RERE: variants seen among roughly 807,000 people sequenced by gnomAD.
RERE encodes arginine-glutamic acid dipeptide repeats protein.
Under a neutral mutation model 146.1 loss-of-function variants are expected in RERE, and 40 were observed. That is an observed-to-expected ratio of 0.27 (90% confidence interval 0.21 to 0.36). The LOEUF (loss-of-function observed/expected upper bound fraction) is 0.36. RERE is among the 10% of genes least tolerant of loss of function. RERE has a pLI of 1.00. For synonymous variants in RERE, 1,003 were observed against 866.0 expected (o/e 1.16, Z -2.78); for missense variants, 1,933 against 2,138.7 (o/e 0.90, Z 1.90).
chr1:8,488,953 A>C (rs1216390947), intron 10 of RERE, among the ~76,000 whole-genome samples: 1 of 152,252 alleles, frequency 6.6e-6, no homozygotes, highest in Non-Finnish European at 1.5e-5. Context: ...GCACAGAAAC[A>C]ATCTTTGTAA....
At chr1:8,503,072 A>G (rs1306948024) in intron 8 of RERE, among the ~76,000 whole-genome samples, 1 of 148,802 alleles carries the variant, frequency 6.7e-6, no homozygotes, top group Non-Finnish European at 1.5e-5. Context: ...AGAAACACCC[A>G]AGAATGATCA....
At chr1:8,765,890 T>C (rs1439682803) in intron 1 of RERE, among the ~76,000 whole-genome samples, 2 of 152,050 alleles carry the variant, frequency 1.3e-5, no homozygotes, top group Admixed American at 6.5e-5. Flanking sequence ...AGTCGGAGGT[T>C]GCAGTGAGTC....
rs540893565 is a variant in RERE at position 8,514,596 on chromosome 1, G to T, written c.831-5921C>A. Among the ~76,000 whole-genome samples the T allele has an allele frequency of 4.5e-4, 68 of 152,158 alleles. 2 individuals carry two copies. In the South Asian group the frequency reaches 0.014, roughly 32 times the overall value. On this transcript the variant is annotated intron_variant, in intron 7 of 22. Coordinates refer to ENST00000400908, the MANE Select transcript of RERE (RefSeq NM_001042681.2). ...AACACAAAATTAGCCATACCGGGTG[G>T]TGTGTGCCTGAATCCTAGCTACTCG...
intron 1 of RERE, among the ~76,000 whole-genome samples, chr1:8,755,601 T>C (rs1329712088): frequency 3.3e-5 from 5 of 152,180 alleles, no homozygotes; most frequent in South Asian, 2.1e-4. Flanking sequence ...AAAAACTAAA[T>C]AGTATGCCAA....
At chr1:8,640,824 G>T (rs1007164187) in intron 2 of RERE, among the ~76,000 whole-genome samples, 1 of 152,066 alleles carries the variant, frequency 6.6e-6, no homozygotes, top group Admixed American at 6.6e-5. Context: ...CTTACAATAC[G>T]CATTATAAAA....
intron 1 of RERE, among the ~76,000 whole-genome samples, chr1:8,768,053 A>G (rs1640881484): frequency 6.6e-6 from 1 of 152,200 alleles, no homozygotes; most frequent in African/African-American, 2.4e-5. Context: ...CAGATACAGA[A>G]GGACCACTTG....
intron 1 of RERE, among the ~76,000 whole-genome samples, chr1:8,764,837 C>T (rs1415085335): frequency 6.6e-6 from 1 of 152,134 alleles, no homozygotes; most frequent in Non-Finnish European, 1.5e-5. Context: ...CAATCCAAAA[C>T]CCAGATAGTA....
chr1:8,631,664 G>A (rs555088992), intron 2 of RERE, among the ~76,000 whole-genome samples: 1 of 152,216 alleles, frequency 6.6e-6, no homozygotes, highest in South Asian at 2.1e-4. Flanking sequence ...CTCTGAAAAC[G>A]TTCCTTAAAT....
chr1:8,359,939 T>C lies in RERE; in HGVS notation c.3443A>G (p.Asp1148Gly). ...CCCGGCCAGAGGCATGAAGTACAGG[T>C]CTGTCCGGGCACACGAGTTGTAGCC... ...DRGYNSCARTDLYFMPLAGSK... is the reference protein window; with the variant it reads ...DRGYNSCARTGLYFMPLAGSK... The change falls in exon 19 of 23, where the codon GAC (aspartate) becomes GGC (glycine). Residue 1148 changes from aspartate (D) to glycine (G), a missense_variant. Physicochemically the swap from Asp to Gly is moderately conservative, Grantham distance 94. Transcript: ENST00000400908. The C allele has an allele frequency of 1.2e-6, 2 of 1,613,264 alleles. No individual in the cohort carries two copies. The highest frequency in any genetic ancestry group is 1.7e-6 in the Non-Finnish European group (2 of 1,180,016).
chr1:8,396,269 T>C (rs1006615235), intron 12 of RERE, among the ~76,000 whole-genome samples: 3 of 152,206 alleles, frequency 2.0e-5, no homozygotes, highest in African/African-American at 2.4e-5. Flanking sequence ...CTGAATTCAA[T>C]GTGGAGTTTG....
At chr1:8,534,225 GATTT>G (rs1413821373) in intron 7 of RERE, among the ~76,000 whole-genome samples, 5 of 152,076 alleles carry the variant, frequency 3.3e-5, no homozygotes, top group Admixed American at 1.3e-4. Flanking sequence ...TAAGTATAAA[GATTT>G]ATGTTGAGGA....
chr1:8,601,736 AACAC>A (rs3082091), intron 4 of RERE, among the ~76,000 whole-genome samples: 3,874 of 140,834 alleles, frequency 0.028, 112 homozygotes, highest in South Asian at 0.16. Flanking sequence ...GTCCAAGGTC[AACAC>A]ACACACACAC....
Position 8,360,710 on chromosome 1 carries a change from T to C in RERE, c.2797A>G (p.Thr933Ala). The change falls in exon 18 of 23, where the codon ACC becomes GCC. Residue 933 changes from threonine (T) to alanine (A), a missense_variant. Physicochemically the swap from Thr to Ala is moderately conservative, Grantham distance 58 (BLOSUM62 0). Coordinates refer to ENST00000400908, the MANE Select transcript of RERE (RefSeq NM_001042681.2). ...GCCGGCAGCTGGGGGATGGGAGTGG[T>C]AGGCGGGGGCTTGATGTGGGGCATG... ...LAMPHIKPPP[T>A]TPIPQLPAPQ... 6.4e-7 allele frequency: 1 copy of C among 1,562,538 alleles called. No individual in the cohort carries two copies. Among genetic ancestry groups the C allele is most frequent in the Non-Finnish European group, 8.6e-7 (1 of 1,156,322 alleles).
At chr1:8,693,485 C>G (rs1327924310) in intron 1 of RERE, among the ~76,000 whole-genome samples, 1 of 151,936 alleles carries the variant, frequency 6.6e-6, no homozygotes, top group Non-Finnish European at 1.5e-5. Context: ...AGAAATAAAC[C>G]AATCTGAAAA....
rs150532130 is a variant in RERE, at chr1:8,676,686, A to G, written c.-144-20245T>C. Among the ~76,000 whole-genome samples the G allele has an allele frequency of 4.5e-4, 69 of 152,350 alleles. 1 individual carries two copies. In the East Asian group the frequency reaches 0.013, roughly 28 times the overall value. On this transcript the variant is annotated intron_variant, in intron 1 of 22. Transcript: ENST00000400908. ...TCACAACCCAGGCTCCAAACTAGGG[A>G]CAAAGGCAGAATCCCTCTGTGGTCC...
At chr1:8,545,156 T>A (rs947877472) in intron 6 of RERE, among the ~76,000 whole-genome samples, 4 of 152,182 alleles carry the variant, frequency 2.6e-5, no homozygotes, top group African/African-American at 9.7e-5. Context: ...CTTGCTGAAA[T>A]AACCAGTTCC....
At chr1:8,685,644 G>A (rs913680014) in intron 1 of RERE, among the ~76,000 whole-genome samples, 10 of 152,146 alleles carry the variant, frequency 6.6e-5, no homozygotes, top group Admixed American at 2.0e-4. Flanking sequence ...GTTTAGAATC[G>A]TTTTCAATGT....
In RERE at chr1:8,648,916, GA is replaced by G. The variant is rs530478659; in HGVS notation, c.325+7056del. ...TGTTAAAAAATTAATACATACTTTTGAAAAAAAAAATACATTTCATTATCCA... is the reference window on the plus strand; with the variant it reads ...TGTTAAAAAATTAATACATACTTTTGAAAAAAAAATACATTTCATTATCCA... On this transcript the variant is annotated intron_variant, in intron 2 of 22. Coordinates refer to ENST00000400908, the MANE Select transcript of RERE (RefSeq NM_001042681.2). Among the ~76,000 whole-genome samples, 211 of 140,270 alleles carry G rather than the reference GA, an allele frequency of 1.5e-3. 1 individual carries two copies. The highest frequency in any genetic ancestry group is 2.6e-3 in the Admixed American group (37 of 14,118). 92.0% of individuals were successfully genotyped at this position (140,270 alleles called of 152,430 possible).
chr1:8,411,319 T>TTTC (rs1365222140), intron 12 of RERE, among the ~76,000 whole-genome samples: 11 of 145,402 alleles, frequency 7.6e-5, no homozygotes, highest in African/African-American at 2.8e-4. Flanking sequence ...CTTCAAGTCT[T>TTTC]TTTTTTTTTT....
Sources: gnomAD v4.1 joint callset for allele counts (sites outside exome capture counted in the v4.1 genomes callset) on GRCh38, gnomAD v4.1.1 for gene constraint, MANE v1.5 for transcripts, NCBI Gene and HGNC (gene_info 2026-07-23, HGNC 2026-07-21) for gene names.